The following VSNL1 variants were observed in gnomAD, a reference collection of about 807,000 sequenced individuals.
The protein encoded by VSNL1 is visinin-like protein 1.
VSNL1 carries 6 observed loss-of-function variants against 20.4 expected under a neutral mutation model. The ratio of observed to expected loss-of-function variants is 0.29; its 90% confidence interval spans 0.16 to 0.58. The LOEUF is 0.58. VSNL1 is among the 20% of genes least tolerant of loss of function. The probability of loss-of-function intolerance (pLI) is 0.90; values close to 1 mark genes in which losing one functional copy is unlikely to be tolerated. For synonymous variants in VSNL1, 93 were observed against 86.4 expected (o/e 1.08, Z -0.42); for missense variants, 100 against 234.5 (o/e 0.43, Z 3.75).
chr2:17,591,592 A>G (rs974172153), intron 1 of VSNL1, among the ~76,000 whole-genome samples: 1 of 152,100 alleles, frequency 6.6e-6, no homozygotes, highest in Non-Finnish European at 1.5e-5. Context: ...ACTCCTTAAT[A>G]TTGCTGATTG....
At chr2:17,652,373 G>A (rs1254802887) in intron 3 of VSNL1, among the ~76,000 whole-genome samples, 5 of 152,224 alleles carry the variant, frequency 3.3e-5, no homozygotes, top group South Asian at 2.1e-4. Context: ...GGAATGGAAT[G>A]TGCAATCATG....
intron 2 of VSNL1, among the ~76,000 whole-genome samples, chr2:17,629,592 G>T (rs1026237751): frequency 6.6e-6 from 1 of 152,192 alleles, no homozygotes; most frequent in African/African-American, 2.4e-5. Context: ...TGGTGATGCA[G>T]AATTTTTCTC....
chr2:17,634,187 TC>T lies in VSNL1; in HGVS notation c.163-15222del, dbSNP rs1356709924. ...GGCCTAGACTTGCAGATGCGCTCAC[TC>T]ATTGTAACAGCAGTGTGCAGGCGAG... On this transcript the variant is annotated intron_variant, in intron 2 of 3. Coordinates refer to ENST00000295156, the MANE Select transcript of VSNL1 (RefSeq NM_003385.5). The surrounding 1 kb of genome is among the most constrained non-coding windows in gnomAD (Gnocchi z 4.3). Among the ~76,000 whole-genome samples, 1 of 152,142 alleles carries T rather than the reference TC, an allele frequency of 6.6e-6. No individual in the cohort carries two copies. Among genetic ancestry groups the T allele is most frequent in the African/African-American group, 2.4e-5 (1 of 41,414 alleles).
intron 1 of VSNL1, among the ~76,000 whole-genome samples, chr2:17,581,850 G>T (rs1013922562): frequency 6.6e-6 from 1 of 152,124 alleles, no homozygotes; most frequent in Non-Finnish European, 1.5e-5. Flanking sequence ...CATTTCCTGG[G>T]TATCTGTTCA....
intron 1 of VSNL1, among the ~76,000 whole-genome samples, chr2:17,551,271 G>A (rs1572326028): frequency 6.6e-6 from 1 of 152,092 alleles, no homozygotes; most frequent in Non-Finnish European, 1.5e-5. Flanking sequence ...GAAGCCAGCA[G>A]GACAAAAGAA....
intron 1 of VSNL1, among the ~76,000 whole-genome samples, chr2:17,542,614 A>G (rs756611695): frequency 3.2e-4 from 48 of 152,164 alleles, no homozygotes; most frequent in Non-Finnish European, 5.3e-4. Context: ...TGCCTTGTCT[A>G]TTCCTTCTTT....
At chr2:17,650,495 G>A (rs921744489) in intron 3 of VSNL1, among the ~76,000 whole-genome samples, 13 of 152,182 alleles carry the variant, frequency 8.5e-5, no homozygotes, top group African/African-American at 2.4e-5. Context: ...TGCATGGTTC[G>A]GTAGCTTTCC....
At chr2:17,585,637 G>A (rs950554060) in intron 1 of VSNL1, among the ~76,000 whole-genome samples, 1 of 151,800 alleles carries the variant, frequency 6.6e-6, no homozygotes, top group Non-Finnish European at 1.5e-5. Flanking sequence ...GGGGGGATGG[G>A]CTTCTCATCC....
At chr2:17,622,679 T>TCATA (rs1665414422) in intron 2 of VSNL1, among the ~76,000 whole-genome samples, 1 of 152,160 alleles carries the variant, frequency 6.6e-6, no homozygotes, top group African/African-American at 2.4e-5. Context: ...CAGGCTCTTG[T>TCATA]CATATGACCA....
chr2:17,592,012 A>G, intron 1 of VSNL1, 58 bp from the exon 2 acceptor site: 2 of 1,603,050 alleles, frequency 1.2e-6, no homozygotes, highest in Non-Finnish European at 1.7e-6. Context: ...TTGGCTCCTA[A>G]CCAAGTTTGA....
intron 1 of VSNL1, among the ~76,000 whole-genome samples, chr2:17,575,207 G>A (rs1377905700): frequency 6.6e-6 from 1 of 152,192 alleles, no homozygotes; most frequent in African/African-American, 2.4e-5. Context: ...TAGAAATGCA[G>A]GCTGGTTGCT....
chr2:17,644,965 A>T (rs1368720920), intron 2 of VSNL1, among the ~76,000 whole-genome samples: 1 of 152,268 alleles, frequency 6.6e-6, no homozygotes, highest in Admixed American at 6.5e-5. Context: ...CAAAAGAAAC[A>T]AAACTGACCC....
At chr2:17,652,970 C>CT (rs746274621) in intron 3 of VSNL1, among the ~76,000 whole-genome samples, 3 of 152,200 alleles carry the variant, frequency 2.0e-5, no homozygotes, top group Admixed American at 6.5e-5. Context: ...GGTTCATCTA[C>CT]TTTGTTTCCC....
intron 1 of VSNL1, among the ~76,000 whole-genome samples, chr2:17,565,012 TG>T (rs1252804276): frequency 1.3e-5 from 2 of 152,212 alleles, no homozygotes; most frequent in Non-Finnish European, 2.9e-5. Flanking sequence ...AAAATGGACA[TG>T]CTTTAAATTA....
intron 1 of VSNL1, among the ~76,000 whole-genome samples, chr2:17,574,814 TGGA>T: frequency 6.6e-6 from 1 of 152,214 alleles, no homozygotes; most frequent in African/African-American, 2.4e-5. Flanking sequence ...TCCCCCAGCC[TGGA>T]GTGTAGTGCT....
At chr2:17,651,291 A>G (rs1309265901) in intron 3 of VSNL1, among the ~76,000 whole-genome samples, 1 of 152,206 alleles carries the variant, frequency 6.6e-6, no homozygotes, top group African/African-American at 2.4e-5. Flanking sequence ...GGGGCAATTC[A>G]GCAGGAGGGT....
intron 1 of VSNL1, among the ~76,000 whole-genome samples, chr2:17,581,014 C>T (rs905716445): frequency 2.0e-5 from 3 of 152,178 alleles, no homozygotes; most frequent in African/African-American, 7.2e-5. Context: ...CCTGTGCACA[C>T]AAGCTCAAGC....
At chr2:17,576,261 C>A (rs1186067995) in intron 1 of VSNL1, among the ~76,000 whole-genome samples, 1 of 152,182 alleles carries the variant, frequency 6.6e-6, no homozygotes, top group Non-Finnish European at 1.5e-5. Flanking sequence ...ATTGCATTCA[C>A]AATTTTATGT....
At chr2:17,555,805 A>C (rs926425544) in intron 1 of VSNL1, among the ~76,000 whole-genome samples, 1 of 152,148 alleles carries the variant, frequency 6.6e-6, no homozygotes, top group African/African-American at 2.4e-5. Flanking sequence ...CCCCAACCCT[A>C]CTGTGACACT....
Sources: gnomAD v4.1 joint callset for allele counts (sites outside exome capture counted in the v4.1 genomes callset) on GRCh38, gnomAD v4.1.1 for gene constraint, Gnocchi (gnomAD v3.1) non-coding constraint, MANE v1.5 for transcripts, NCBI Gene and HGNC (gene_info 2026-07-23, HGNC 2026-07-21) for gene names.